IKBKB: variants seen among roughly 807,000 people sequenced by gnomAD.
IKBKB encodes inhibitor of nuclear factor kappa-B kinase subunit beta.
Under a neutral mutation model 113.6 loss-of-function variants are expected in IKBKB, and 42 were observed. The ratio of observed to expected loss-of-function variants is 0.37; its 90% CI spans 0.29 to 0.48. The LOEUF is 0.48. IKBKB is among the 20% of genes least tolerant of loss of function. The pLI is 0.99. For missense variants in IKBKB, 673 were observed against 939.7 expected (o/e 0.72, Z 3.71); for synonymous variants, 296 against 361.3 (o/e 0.82, Z 2.05).
intron 5 of IKBKB, among the ~76,000 whole-genome samples, chr8:42,300,214 T>C (rs1055962106): frequency 6.6e-6 from 1 of 152,180 alleles, no homozygotes; most frequent in Non-Finnish European, 1.5e-5. Flanking sequence ...TCAAGTCTGT[T>C]TTTTTTGGGA....
chr8:42,316,255 G>A lies in IKBKB; in HGVS notation c.846G>A (p.Met282Ile). Reference sequence around the variant, plus strand: ...AGAAGTGGCTGCAACTGATGCTGATGTGGCACCCCCGACAGAGGGGCACGG... The same window carrying A: ...AGAAGTGGCTGCAACTGATGCTGATATGGCACCCCCGACAGAGGGGCACGG... The part of the protein sequence containing the change: ...RLEKWLQLML[M>I]WHPRQRGTDP... Residue 282 changes from methionine to isoleucine, a missense_variant, in exon 10 of 22, where the codon ATG (methionine) becomes ATA (isoleucine). This residue lies in a region of IKBKB where 506 missense variants were observed against 638.7 expected (regional missense o/e 0.79). Coordinates refer to ENST00000520810, the MANE Select transcript of IKBKB (RefSeq NM_001556.3). This position sits in a 1 kb window ranked among gnomAD's most constrained non-coding sequence, Gnocchi z 4.5. The A allele has an allele frequency of 6.2e-7, 1 of 1,614,192 alleles. No individual in the cohort carries two copies. Among genetic ancestry groups the A allele is most frequent in the Non-Finnish European group, 8.5e-7 (1 of 1,180,038 alleles).
chr8:42,319,186 C>T, intron 13 of IKBKB, 84 bp from the exon 14 acceptor site: 2 of 1,262,452 alleles, frequency 1.6e-6, no homozygotes, highest in African/African-American at 1.5e-5. Context: ...CCTCCCTTGA[C>T]ATTTGAGGGG....
At position 42,316,174 on chromosome 8, in the gene IKBKB, G is replaced by C; in HGVS notation, c.801-36G>C. On this transcript the variant is annotated intron_variant, in intron 9 of 21. Transcript: ENST00000520810. The surrounding 1 kb of genome is among the most constrained non-coding windows in gnomAD (Gnocchi z 4.5). ...GCACACTGTAGCCCAACATTGGCTGGAAGTGTCTCCTCACACACTATGCTC... is the reference window on the plus strand; with the variant it reads ...GCACACTGTAGCCCAACATTGGCTGCAAGTGTCTCCTCACACACTATGCTC... The C allele has an allele frequency of 6.2e-7, 1 of 1,609,606 alleles. No homozygotes were observed. Among genetic ancestry groups the C allele is most frequent in the African/African-American group, 1.3e-5 (1 of 74,968 alleles).
intron 5 of IKBKB, among the ~76,000 whole-genome samples, chr8:42,294,760 C>A (rs751865590): frequency 9.9e-5 from 15 of 152,204 alleles, no homozygotes; most frequent in Non-Finnish European, 1.8e-4. Context: ...CTGCACATGG[C>A]CCGCATGAGT....
At chr8:42,315,250 A>G (rs1231642768) in intron 9 of IKBKB, among the ~76,000 whole-genome samples, 1 of 152,370 alleles carries the variant, frequency 6.6e-6, no homozygotes, top group South Asian at 2.1e-4. Flanking sequence ...GCAGTCACAC[A>G]TAATTGAGTG....
At chr8:42,285,222 T>C (rs1811177646) in intron 2 of IKBKB, among the ~76,000 whole-genome samples, 2 of 152,098 alleles carry the variant, frequency 1.3e-5, no homozygotes, top group South Asian at 4.1e-4. Context: ...GTGTCCACCA[T>C]GGTTTGTACC....
chr8:42,306,326 C>G lies in IKBKB; in HGVS notation c.478-17C>G. Reference sequence around the variant, plus strand: ...GTGTTCTTATAACCCTCAGCTTTCTCCTTCCTTTTGTTTTAGTTAATACAC... The same window carrying G: ...GTGTTCTTATAACCCTCAGCTTTCTGCTTCCTTTTGTTTTAGTTAATACAC... On this transcript the variant is annotated splice_polypyrimidine_tract_variant and intron_variant, in intron 6 of 21. Transcript: ENST00000520810. The G allele has an allele frequency of 6.6e-7, 1 of 1,511,050 alleles. No individual in the cohort carries two copies. Among genetic ancestry groups the G allele is most frequent in the South Asian group, 1.1e-5 (1 of 88,860 alleles). The allele number at this position is 1,511,050 out of a possible 1,614,324, so 93.6% of individuals were successfully genotyped here.
chr8:42,325,765 C>G, intron 19 of IKBKB: 1 of 1,387,750 alleles, frequency 7.2e-7, no homozygotes, highest in Non-Finnish European at 9.3e-7. Context: ...ATCCTTTCCT[C>G]AAAAGTCTCC....
At chr8:42,286,583 A>G (rs1811467645) in intron 2 of IKBKB, among the ~76,000 whole-genome samples, 1 of 152,084 alleles carries the variant, frequency 6.6e-6, no homozygotes, top group Admixed American at 6.5e-5. Flanking sequence ...CTCCCACCTC[A>G]GCCTCCTGAG....
intron 2 of IKBKB, among the ~76,000 whole-genome samples, chr8:42,281,126 G>A (rs1372019575): frequency 6.6e-6 from 1 of 152,146 alleles, no homozygotes; most frequent in African/African-American, 2.4e-5. Context: ...ATCTGAGCTG[G>A]GTTCCCTGTC....
At chr8:42,329,099 C>A in intron 20 of IKBKB, 25 bp from the exon 21 acceptor site, 2 of 1,583,326 alleles carry the variant, frequency 1.3e-6, no homozygotes, top group South Asian at 1.1e-5. Flanking sequence ...TGACCACTTT[C>A]TAATAATTTG....
chr8:42,329,011 T>C, intron 20 of IKBKB, 113 bp from the exon 21 acceptor site: 1 of 773,460 alleles, frequency 1.3e-6, no homozygotes, highest in Non-Finnish European at 2.0e-6. Context: ...TCAAAATAAT[T>C]GTTACTTCAT....
In IKBKB at chr8:42,331,305, G is replaced by C. The variant is rs201858324; in HGVS notation, c.*326G>C. 3 of 702,518 alleles carry C rather than the reference G, an allele frequency of 4.3e-6. No individual in the cohort carries two copies. The highest frequency in any genetic ancestry group is 7.8e-6 in the Non-Finnish European group (3 of 385,084). 43.5% of individuals were successfully genotyped at this position (702,518 alleles called of 1,614,324 possible). ...ACATCGCTGGCCCCACAAACGTTCA[G>C]GGGTACAGCCATGGCAGCTCCTTCC... On this transcript the variant is annotated 3_prime_UTR_variant, in exon 22 of 22. Transcript: ENST00000520810.
At chr8:42,274,433 C>T (rs1291596980) in intron 2 of IKBKB, among the ~76,000 whole-genome samples, 2 of 152,174 alleles carry the variant, frequency 1.3e-5, no homozygotes, top group Middle Eastern at 3.2e-3. Flanking sequence ...TAACCAGTCT[C>T]TCCCTATTTC....
At chr8:42,292,400 A>C (rs755116391) in intron 4 of IKBKB, among the ~76,000 whole-genome samples, 94 of 152,204 alleles carry the variant, frequency 6.2e-4, no homozygotes, top group Admixed American at 2.3e-3. Context: ...GGGAGGCAGG[A>C]AGGGCTCGCA....
chr8:42,317,628 A>C, intron 11 of IKBKB, 29 bp from the exon 12 acceptor site: 1 of 1,415,248 alleles, frequency 7.1e-7, no homozygotes, highest in Non-Finnish European at 1.0e-6. Flanking sequence ...TGGATCCACA[A>C]GATTCATTTT....
intron 8 of IKBKB, among the ~76,000 whole-genome samples, chr8:42,313,384 G>A (rs549452423): frequency 9.9e-5 from 15 of 152,270 alleles, no homozygotes; most frequent in Non-Finnish European, 1.6e-4. Context: ...CTACAAGGTC[G>A]AGGCTGCAGT....
In IKBKB at chr8:42,309,153, G is replaced by A; in HGVS notation, c.692+128G>A. The A allele has an allele frequency of 6.6e-6, 7 of 1,059,632 alleles. No homozygotes were observed. The South Asian group carries it at 1.1e-4, about 16-fold the overall frequency. 65.6% of individuals were successfully genotyped at this position (1,059,632 alleles called of 1,614,324 possible). A position where few individuals can be genotyped will look rare whatever the true frequency, so the allele number is the denominator to read the frequency against. On this transcript the variant is annotated intron_variant, in intron 8 of 21. Transcript: ENST00000520810. ...TGTGTTGTTTCTCTTCCGAGAGGAAGGCCTGTCAGGACCTAGCACGAGTAG... is the reference window on the plus strand; with the variant it reads ...TGTGTTGTTTCTCTTCCGAGAGGAAAGCCTGTCAGGACCTAGCACGAGTAG...
At chr8:42,319,120 T>C (rs1819272014) in intron 13 of IKBKB, 150 bp from the exon 14 acceptor site, 1 of 711,810 alleles carries the variant, frequency 1.4e-6, no homozygotes, top group Non-Finnish European at 2.3e-6. Context: ...AAATTGTCCT[T>C]GGGTTATAAG....
Sources: allele counts gnomAD v4.1 joint callset (sites outside exome capture counted in the v4.1 genomes callset), GRCh38; gene constraint gnomAD v4.1.1; regional missense constraint gnomAD v4.1.1; non-coding constraint Gnocchi (gnomAD v3.1); transcripts MANE v1.5; gene names NCBI Gene and HGNC (gene_info 2026-07-23, HGNC 2026-07-21).